Variants in DCUN1D1 observed in about 807,000 individuals in gnomAD.
DCUN1D1 encodes defective in cullin neddylation 1 domain containing 1, also known as DCN1-like protein 1.
DCUN1D1 carries 3 observed loss-of-function variants against 39.0 expected under a neutral mutation model. That is an observed-to-expected ratio of 0.08 (90% CI 0.04 to 0.20). The LOEUF (loss-of-function observed/expected upper bound fraction) is 0.20, where lower values mean the gene tolerates loss of function less well. DCUN1D1 is among the 10% of genes least tolerant of loss of function. The pLI is 1.00. For missense variants in DCUN1D1, 158 were observed against 302.4 expected (o/e 0.52, Z 3.54); for synonymous variants, 82 against 96.3 (o/e 0.85, Z 0.87).
At chr3:182,951,623 A>C (rs1285521656) in intron 4 of DCUN1D1, among the ~76,000 whole-genome samples, 1 of 132,616 alleles carries the variant, frequency 7.5e-6, no homozygotes, top group African/African-American at 3.6e-5. Flanking sequence ...CTCCCAAAAA[A>C]AAAAAAAAAA....
At chr3:182,967,094 C>T (rs1577189109) in intron 1 of DCUN1D1, among the ~76,000 whole-genome samples, 1 of 149,294 alleles carries the variant, frequency 6.7e-6, no homozygotes, top group African/African-American at 2.5e-5. Flanking sequence ...GGGACAAGAG[C>T]GAGGCTTCAC....
intron 4 of DCUN1D1, among the ~76,000 whole-genome samples, chr3:182,955,212 A>G (rs754029690): frequency 6.3e-4 from 96 of 152,038 alleles, no homozygotes; most frequent in Non-Finnish European, 1.0e-3. Context: ...GGCTAATTTA[A>G]ACTGACTTTT....
Position 182,943,167 on chromosome 3 carries a change from T to TATG in DCUN1D1, c.*1924_*1926dup, listed in dbSNP as rs1726220709. Reference sequence around the variant, plus strand: ...TGGGATCTCATTTCAAAACACAGCATATGTGAATTAATCAATCTGAAACCA... The same window carrying TATG: ...TGGGATCTCATTTCAAAACACAGCATATGATGTGAATTAATCAATCTGAAACCA... On this transcript the variant is annotated 3_prime_UTR_variant, in exon 7 of 7. Transcript: ENST00000292782. 9.2e-6 allele frequency: 1 copy of TATG among 108,806 alleles called. No individual in the cohort carries two copies. Among genetic ancestry groups the TATG allele is most frequent in the South Asian group, 3.0e-4 (1 of 3,296 alleles). The allele number at this position is 108,806 out of a possible 1,614,324, so 6.7% of individuals were successfully genotyped here. A position where few individuals can be genotyped will look rare whatever the true frequency, so the allele number is the denominator to read the frequency against.
intron 1 of DCUN1D1, among the ~76,000 whole-genome samples, chr3:182,978,594 A>C (rs1354973426): frequency 6.6e-6 from 1 of 152,102 alleles, no homozygotes; most frequent in Non-Finnish European, 1.5e-5. Flanking sequence ...GCTGGTCTCA[A>C]ACTCCTAGGC....
At chr3:182,982,237 T>C (rs1047046278), upstream of DCUN1D1, among the ~76,000 whole-genome samples, 2 of 152,218 alleles carry the variant, frequency 1.3e-5, no homozygotes, top group Non-Finnish European at 1.5e-5. Context: ...TCCTCTTTAC[T>C]CTGACCACTC....
Position 182,947,593 on chromosome 3 carries a change from T to G in DCUN1D1, c.560A>C (p.Asn187Thr). The G allele has an allele frequency of 6.3e-7, 1 of 1,592,030 alleles. No individual in the cohort carries two copies. Among genetic ancestry groups the G allele is most frequent in the East Asian group, 2.2e-5 (1 of 44,610 alleles). The change falls in exon 5 of 7, where the codon AAT becomes ACT. Residue 187 changes from asparagine (N) to threonine (T), a missense_variant. Physicochemically the swap from Asn to Thr is moderately conservative, Grantham distance 65. Coordinates refer to ENST00000292782, the MANE Select transcript of DCUN1D1 (RefSeq NM_020640.4). ...MAIAYWNLVL[N>T]GRFKFLDLWN... is the part of the protein sequence containing the mutation. ...TAAGTCTAAGAATTTAAATCTTCCA[T>G]TAAGCACTAAGTTCCAGTAGGCAAT... is the stretch of plus-strand genomic sequence containing the variant.
chr3:182,976,458 C>T (rs1363708377), intron 1 of DCUN1D1, among the ~76,000 whole-genome samples: 2 of 149,758 alleles, frequency 1.3e-5, no homozygotes, highest in African/African-American at 2.5e-5. Flanking sequence ...CACACACACA[C>T]ACACACACAC....
At chr3:182,949,571 T>C (rs1443917611) in intron 4 of DCUN1D1, among the ~76,000 whole-genome samples, 6 of 151,878 alleles carry the variant, frequency 4.0e-5, no homozygotes, top group Admixed American at 2.6e-4. Flanking sequence ...AATTTAAAAA[T>C]TAGCCATTCA....
chr3:182,969,168 T>C (rs1262719848), intron 1 of DCUN1D1, among the ~76,000 whole-genome samples: 6 of 152,204 alleles, frequency 3.9e-5, no homozygotes, highest in African/African-American at 7.2e-5. Context: ...CTAGAATACA[T>C]TGTAACATTT....
At chr3:182,973,150 G>T (rs540244907) in intron 1 of DCUN1D1, among the ~76,000 whole-genome samples, 2 of 152,194 alleles carry the variant, frequency 1.3e-5, no homozygotes, top group African/African-American at 4.8e-5. Context: ...AGATAGTATA[G>T]AACCCTATAT....
At chr3:182,964,431 T>C (rs912212527) in intron 2 of DCUN1D1, among the ~76,000 whole-genome samples, 1 of 152,166 alleles carries the variant, frequency 6.6e-6, no homozygotes, top group Non-Finnish European at 1.5e-5. Context: ...ACAAAGTTCA[T>C]TTTACCACAA....
intron 1 of DCUN1D1, among the ~76,000 whole-genome samples, chr3:182,976,444 TACACACACACACAC>T (rs59465164): frequency 2.4e-3 from 338 of 140,772 alleles, no homozygotes; most frequent in African/African-American, 8.2e-3. Flanking sequence ...TATACATACA[TACACACACACACAC>T]ACACACACAC....
Position 182,951,259 on chromosome 3 carries a change from T to C in DCUN1D1, c.521-3627A>G, listed in dbSNP as rs562480853. 5.1e-4 allele frequency among the ~76,000 whole-genome samples: 77 copies of C among 152,236 alleles called. No homozygotes were observed. In the South Asian group the frequency reaches 5.2e-3, roughly 10 times the overall value. ...GCTTTAAGTTTATCAGAACTAAGCA[T>C]ATTGCTAGTATATTTTTTTCCTTTT... On this transcript the variant is annotated intron_variant, in intron 4 of 6. Coordinates refer to ENST00000292782, the MANE Select transcript of DCUN1D1 (RefSeq NM_020640.4).
intron 1 of DCUN1D1, among the ~76,000 whole-genome samples, chr3:182,973,705 G>C (rs1485188955): frequency 6.6e-6 from 1 of 151,688 alleles, no homozygotes; most frequent in Non-Finnish European, 1.5e-5. Context: ...TACTCAGGAG[G>C]CTGAGGCAGG....
chr3:182,962,546 A>G (rs1577182405), intron 3 of DCUN1D1, among the ~76,000 whole-genome samples: 1 of 152,154 alleles, frequency 6.6e-6, no homozygotes, highest in African/African-American at 2.4e-5. Flanking sequence ...TTTCACCAGC[A>G]TCACAGCTGG....
chr3:182,942,166 G>A lies in DCUN1D1; in HGVS notation c.*2928C>T, dbSNP rs1176222076. On this transcript the variant is annotated 3_prime_UTR_variant, in exon 7 of 7. Transcript: ENST00000292782. ...ACATGTACTTATAATGCCATATTAT[G>A]CAAGTACAGTATTGTTAATAAAGCA... The A allele has an allele frequency of 5.9e-5, 9 of 151,968 alleles. No individual in the cohort carries two copies. Among genetic ancestry groups the A allele is most frequent in the Non-Finnish European group, 1.0e-4 (7 of 67,970 alleles). The allele number at this position is 151,968 out of a possible 1,614,324, so 9.4% of individuals were successfully genotyped here.
At chr3:182,959,924 G>A (rs375762616) in intron 4 of DCUN1D1, among the ~76,000 whole-genome samples, 9 of 152,230 alleles carry the variant, frequency 5.9e-5, no homozygotes, top group African/African-American at 1.9e-4. Flanking sequence ...ATTATAAAGC[G>A]AGGCTTCCCC....
At chr3:182,981,118 C>A (rs1728531852), upstream of DCUN1D1, among the ~76,000 whole-genome samples, 1 of 152,010 alleles carries the variant, frequency 6.6e-6, no homozygotes, top group Admixed American at 6.6e-5. Flanking sequence ...GACCTTAGTC[C>A]CCCCCCTGCG....
At chr3:182,974,215 G>A (rs1728093292) in intron 1 of DCUN1D1, among the ~76,000 whole-genome samples, 1 of 152,044 alleles carries the variant, frequency 6.6e-6, no homozygotes, top group Non-Finnish European at 1.5e-5. Flanking sequence ...TTGCACCACT[G>A]CACTCCAGCC....
Sources: gnomAD v4.1 joint callset for allele counts (sites outside exome capture counted in the v4.1 genomes callset) on GRCh38, gnomAD v4.1.1 for gene constraint, MANE v1.5 for transcripts, NCBI Gene and HGNC (gene_info 2026-07-23, HGNC 2026-07-21) for gene names.